AMH: variants seen among roughly 807,000 people sequenced by gnomAD.
AMH encodes anti-Mullerian hormone.
A neutral mutation model predicts 33.3 loss-of-function variants in AMH; 39 were observed. The observed-to-expected ratio is 1.17, with a 90% confidence interval of 0.91 to 1.53. The LOEUF (loss-of-function observed/expected upper bound fraction) is 1.53. AMH is among the 40% of genes most tolerant of loss of function. AMH has a pLI of 0.00. For missense variants in AMH, 1,019 were observed against 799.8 expected, an observed-to-expected ratio of 1.27 and a Z score of -3.30; for synonymous variants, 536 against 403.0, an observed-to-expected ratio of 1.33 and a Z score of -3.95.
chr19:2,249,881 C>A, intron 1 of AMH, 137 bp downstream of exon 1: 1 of 1,067,160 alleles, frequency 9.4e-7, no homozygotes, highest in Non-Finnish European at 1.3e-6. Flanking sequence ...GACTGGGTTG[C>A]GGGTCCGTGG....
At position 2,251,699 on chromosome 19, in the gene AMH, C is replaced by T; in HGVS notation, c.1425C>T (p.Arg475=). Residue 475 remains arginine, a synonymous_variant, in exon 5 of 5, where the codon CGC becomes CGT. Coordinates refer to ENST00000221496, the MANE Select transcript of AMH (RefSeq NM_000479.5). ...RELSVDLRAE[R]SVLIPETYQA... is the part of the protein sequence containing the mutation. ...TCAGCGTAGACCTCCGCGCCGAGCG[C>T]TCCGTACTCATCCCCGAGACCTACC... 6 of 1,611,584 alleles carry T rather than the reference C, an allele frequency of 3.7e-6. No individual in the cohort carries two copies. Among genetic ancestry groups the T allele is most frequent in the African/African-American group, 1.3e-5 (1 of 74,970 alleles).
rs572031986 is a variant in AMH, at chr19:2,252,022, T to C, written c.*65T>C. On this transcript the variant is annotated 3_prime_UTR_variant, in exon 5 of 5. Transcript: ENST00000221496. ...GCGCCCCAGCTCGCGCCCCTTCCCA[T>C]ATTTATTCGGACCCCAAGCATCGCC... 1 of 1,522,184 alleles carries C rather than the reference T, an allele frequency of 6.6e-7. No homozygotes were observed. The highest frequency in any genetic ancestry group is 1.2e-5 in the South Asian group (1 of 83,506). 94.3% of individuals were successfully genotyped at this position (1,522,184 alleles called of 1,614,324 possible).
Position 2,251,365 on chromosome 19 carries a change from A to ACGACCCCACGT in AMH, c.1094_1104dup (p.Ala369ThrfsTer64). 6.8e-7 allele frequency: 1 copy of ACGACCCCACGT among 1,481,138 alleles called. No individual in the cohort carries two copies. The highest frequency in any genetic ancestry group is 8.9e-7 in the Non-Finnish European group (1 of 1,123,016). 91.7% of individuals were successfully genotyped at this position (1,481,138 alleles called of 1,614,324 possible). On this transcript the variant is annotated frameshift_variant, in exon 5 of 5. Transcript: ENST00000221496. LOFTEE classifies it low-confidence loss of function (END_TRUNC). ...ACCACCGGGGATCCTGCGCCCCTGCACGACCCCACGTCGGCGCCGTGGGCC... is the reference window on the plus strand; with the variant it reads ...ACCACCGGGGATCCTGCGCCCCTGCACGACCCCACGTCGACCCCACGTCGGCGCCGTGGGCC...
At position 2,249,768 on chromosome 19, in the gene AMH, T is replaced by A. The variant is rs1043552469; in HGVS notation, c.412+24T>A. On this transcript the variant is annotated intron_variant, in intron 1 of 4. Transcript: ENST00000221496. ...AGGTATGTGGGGCCCAGCCCCAAGC[T>A]TGGCACCGCCGTCTTCCTTCAGGTG... 7 of 1,485,616 alleles carry A rather than the reference T, an allele frequency of 4.7e-6. No individual in the cohort carries two copies. The African/African-American group carries it at 9.8e-5, about 21-fold the overall frequency. The allele number at this position is 1,485,616 out of a possible 1,614,324, so 92.0% of individuals were successfully genotyped here.
At position 2,250,256 on chromosome 19, in the gene AMH, G is replaced by A. The variant is rs945130575; in HGVS notation, c.413-81G>A. On this transcript the variant is annotated intron_variant, in intron 1 of 4. Transcript: ENST00000221496. ...CTTGAGGTCCCCTGCACAGTGGCCA[G>A]AGCGGCAGGGACAGATCCCAAAGAT... is the stretch of plus-strand genomic sequence containing the variant. The A allele has an allele frequency of 3.3e-6, 5 of 1,536,438 alleles. No individual in the cohort carries two copies. The African/African-American group carries it at 6.8e-5, about 21-fold the overall frequency.
chr19:2,251,249 G>C lies in AMH; in HGVS notation c.975G>C (p.Gln325His). 1 of 1,503,946 alleles carries C rather than the reference G, an allele frequency of 6.6e-7. No individual in the cohort carries two copies. Among genetic ancestry groups the C allele is most frequent in the Non-Finnish European group, 8.8e-7 (1 of 1,134,210 alleles). 93.2% of individuals were successfully genotyped at this position (1,503,946 alleles called of 1,614,324 possible). The change falls in exon 5 of 5, where the codon CAG becomes CAC. Residue 325 changes from glutamine to histidine, a missense_variant. By Grantham distance (24) the Gln-to-His change is conservative. Coordinates refer to ENST00000221496, the MANE Select transcript of AMH (RefSeq NM_000479.5). The part of the protein sequence containing the change: ...LDPDALAGFP[Q>H]GLVNLSDPAA... ...CGGACGCGCTGGCCGGCTTCCCGCA[G>C]GGCCTAGTCAACCTGTCGGACCCCG...
At position 2,251,655 on chromosome 19, in the gene AMH, C is replaced by T. The variant is rs1359065643; in HGVS notation, c.1381C>T (p.Pro461Ser). 1.2e-6 allele frequency: 2 copies of T among 1,604,144 alleles called. No individual in the cohort carries two copies. The highest frequency in any genetic ancestry group is 8.5e-7 in the Non-Finnish European group (1 of 1,176,768). Residue 461 changes from proline to serine, a missense_variant, in exon 5 of 5, where the codon CCG becomes TCG. Physicochemically the swap from Pro to Ser is moderately conservative, Grantham distance 74. Coordinates refer to ENST00000221496, the MANE Select transcript of AMH (RefSeq NM_000479.5). ...CGCGGGGGCCACCGCCGCCGACGGG[C>T]CGTGCGCGCTGCGCGAGCTCAGCGT... ...RSAGATAADG[P>S]CALRELSVDL...
chr19:2,251,347 G>C lies in AMH; in HGVS notation c.1073G>C (p.Gly358Ala). ...CTGAGGCCCACTGCGGCCACCACCG[G>C]GGATCCTGCGCCCCTGCACGACCCC... ...LLLRPTAATT[G>A]DPAPLHDPTS... Residue 358 changes from glycine (G) to alanine (A), a missense_variant, in exon 5 of 5, where the codon GGG becomes GCG. By Grantham distance (60) the Gly-to-Ala change is moderately conservative (BLOSUM62 0). Transcript: ENST00000221496. The C allele has an allele frequency of 1.3e-6, 2 of 1,492,626 alleles. No homozygotes were observed. Among genetic ancestry groups the C allele is most frequent in the Non-Finnish European group, 1.8e-6 (2 of 1,128,512 alleles). The allele number at this position is 1,492,626 out of a possible 1,614,324, so 92.5% of individuals were successfully genotyped here.
Position 2,249,749 on chromosome 19 carries a change from G to A in AMH, c.412+5G>A, listed in dbSNP as rs1446522232. On this transcript the variant is annotated splice_donor_5th_base_variant and intron_variant, in intron 1 of 4. Transcript: ENST00000221496. ...TGGTCCTACACCTGGAGGAAGGTAT[G>A]TGGGGCCCAGCCCCAAGCTTGGCAC... 1.3e-6 allele frequency: 2 copies of A among 1,499,304 alleles called. No individual in the cohort carries two copies. Among genetic ancestry groups the A allele is most frequent in the East Asian group, 2.3e-5 (1 of 43,550 alleles). 92.9% of individuals were successfully genotyped at this position (1,499,304 alleles called of 1,614,324 possible). A position where few individuals can be genotyped will look rare whatever the true frequency, so the allele number is the denominator to read the frequency against.
At chr19:2,250,044 C>G in intron 1 of AMH, 1 of 619,178 alleles carries the variant, frequency 1.6e-6, no homozygotes, top group Non-Finnish European at 2.8e-6. Context: ...TCCCACAGCC[C>G]CAGCCTGTTC....
chr19:2,251,509 CA>C lies in AMH; in HGVS notation c.1236del (p.Gly413ValfsTer16). On this transcript the variant is annotated frameshift_variant, in exon 5 of 5. Coordinates refer to ENST00000221496, the MANE Select transcript of AMH (RefSeq NM_000479.5). LOFTEE classifies it high-confidence loss of function. Reference sequence around the variant, plus strand: ...CTGGCGCGCCTGCTCGCGCTCTGCCCAGGTGGCCCCGGCGGCCTCGGCGATC... The same window carrying C: ...CTGGCGCGCCTGCTCGCGCTCTGCCCGGTGGCCCCGGCGGCCTCGGCGATC... ...PLLARLLALC[P>X]GGPGGLGDPL... 7.3e-7 allele frequency: 1 copy of C among 1,366,980 alleles called. No individual in the cohort carries two copies. Among genetic ancestry groups the C allele is most frequent in the Non-Finnish European group, 9.4e-7 (1 of 1,064,200 alleles). The allele number at this position is 1,366,980 out of a possible 1,614,324, so 84.7% of individuals were successfully genotyped here.
At position 2,250,224 on chromosome 19, in the gene AMH, TC is replaced by T. The variant is rs2025004400; in HGVS notation, c.413-108del. The T allele has an allele frequency of 3.3e-6, 5 of 1,501,102 alleles. No individual in the cohort carries two copies. In the East Asian group the frequency reaches 7.4e-5, roughly 22 times the overall value. 93.0% of individuals were successfully genotyped at this position (1,501,102 alleles called of 1,614,324 possible). The stretch of plus-strand genomic sequence containing the variant: ...AAGGCAGCTAAGAGGGGCACCCTTG[TC>T]CCCCGCTTGAGGTCCCCTGCACAGT... On this transcript the variant is annotated intron_variant, in intron 1 of 4. Transcript: ENST00000221496.
chr19:2,249,912 CTCTG>C (rs1266989151), intron 1 of AMH, 168 bp downstream of exon 1: 8 of 793,654 alleles, frequency 1.0e-5, no homozygotes, highest in African/African-American at 3.5e-5. Context: ...GGGCACCACA[CTCTG>C]TCCTGTCCCC....
chr19:2,249,924 C>G, intron 1 of AMH, 180 bp downstream of exon 1: 1 of 749,016 alleles, frequency 1.3e-6, no homozygotes. Flanking sequence ...CTGTCCTGTC[C>G]CCGAAGCCCA....
rs760757922 is a variant in AMH, at chr19:2,249,344, G to C, written c.12G>C (p.Leu4=). The C allele has an allele frequency of 1.3e-6, 2 of 1,572,696 alleles. No homozygotes were observed. Among genetic ancestry groups the C allele is most frequent in the South Asian group, 1.2e-5 (1 of 86,224 alleles). Residue 4 remains leucine, a synonymous_variant, in exon 1 of 5, where the codon CTG becomes CTC. Coordinates refer to ENST00000221496, the MANE Select transcript of AMH (RefSeq NM_000479.5). MRD[L]PLTSLALVLS... ...TGGCAGCACCCACGATGCGGGACCT[G>C]CCTCTCACCAGCCTGGCCCTAGTGC... is the stretch of plus-strand genomic sequence containing the variant.
At chr19:2,249,807 T>C in intron 1 of AMH, 63 bp downstream of exon 1, 1 of 1,434,442 alleles carries the variant, frequency 7.0e-7, no homozygotes, top group Non-Finnish European at 9.1e-7. Flanking sequence ...CGGGTCCTCC[T>C]AGGGAAGATC....
At position 2,250,914 on chromosome 19, in the gene AMH, C is replaced by A; in HGVS notation, c.730C>A (p.Arg244=). 1 of 1,566,334 alleles carries A rather than the reference C, an allele frequency of 6.4e-7. No homozygotes were observed. The highest frequency in any genetic ancestry group is 8.6e-7 in the Non-Finnish European group (1 of 1,164,620). Residue 244 remains arginine (R), a synonymous_variant, in exon 4 of 5, where the codon CGG becomes AGG. Transcript: ENST00000221496. ...LFGDDHRCFT[R]MTPALLLLPR... ...CGGCGACGACCACCGCTGCTTCACA[C>A]GGATGACCCCGGCCCTGCTCCTGCT...
In AMH at chr19:2,251,612, GGGT is replaced by G. The variant is rs781133505; in HGVS notation, c.1339_1341del (p.Gly447del). ...GGCGCGGGCGGGATCCGCGCGGGCC[GGGT>G]CGGGCACAGCGCAGCGCGGGGGCCA... On this transcript the variant is annotated inframe_deletion, in exon 5 of 5. Coordinates refer to ENST00000221496, the MANE Select transcript of AMH (RefSeq NM_000479.5). 1 of 1,351,592 alleles carries G rather than the reference GGGT, an allele frequency of 7.4e-7. No individual in the cohort carries two copies. The highest frequency in any genetic ancestry group is 9.5e-7 in the Non-Finnish European group (1 of 1,054,742). The allele number at this position is 1,351,592 out of a possible 1,614,324, so 83.7% of individuals were successfully genotyped here.
In AMH at chr19:2,249,387, C is replaced by T. The variant is rs774158206; in HGVS notation, c.55C>T (p.Leu19=). 4 of 1,589,194 alleles carry T rather than the reference C, an allele frequency of 2.5e-6. No individual in the cohort carries two copies. Among genetic ancestry groups the T allele is most frequent in the Admixed American group, 3.5e-5 (2 of 56,932 alleles). ...LALVLSALGA[L]LGTEALRAEE... ...CCTAGTGCTGTCTGCCCTGGGGGCTCTGCTGGGGACTGAGGCCCTCAGAGC... is the reference window on the plus strand; with the variant it reads ...CCTAGTGCTGTCTGCCCTGGGGGCTTTGCTGGGGACTGAGGCCCTCAGAGC... Residue 19 remains leucine (L), a synonymous_variant, in exon 1 of 5, where the codon CTG becomes TTG. Transcript: ENST00000221496.
Sources: allele counts gnomAD v4.1 joint callset, GRCh38; gene constraint gnomAD v4.1.1; transcripts MANE v1.5; gene names NCBI Gene and HGNC (gene_info 2026-07-23, HGNC 2026-07-21).